The following PDE4D variants were observed in gnomAD, a reference collection of about 807,000 sequenced individuals.
PDE4D encodes phosphodiesterase 4D, also known as 3',5'-cyclic-AMP phosphodiesterase 4D.
A neutral mutation model predicts 87.4 loss-of-function variants in PDE4D; 24 were observed. The observed-to-expected ratio is 0.27, with a 90% CI of 0.20 to 0.39. PDE4D has a LOEUF of 0.39. Among genes scored for constraint, PDE4D ranks in the 10% least tolerant of loss-of-function variants. PDE4D has a pLI of 1.00. For missense variants in PDE4D, 714 were observed against 1,041.0 expected (o/e 0.69, Z 4.32); for synonymous variants, 384 against 383.2 (o/e 1.00, Z -0.02).
At chr5:59,189,647 C>T (rs1743870368) in intron 3 of PDE4D, among the ~76,000 whole-genome samples, 1 of 152,086 alleles carries the variant, frequency 6.6e-6, no homozygotes, top group African/African-American at 2.4e-5. Context: ...TCCTTGGCCC[C>T]CAAGAACTCT....
At chr5:58,993,944 A>T (rs1748553278) in intron 6 of PDE4D, among the ~76,000 whole-genome samples, 1 of 152,136 alleles carries the variant, frequency 6.6e-6, no homozygotes, top group Non-Finnish European at 1.5e-5. Flanking sequence ...TAAAACATGG[A>T]ATGCTTTCTT....
At chr5:59,157,179 A>T in intron 5 of PDE4D, 1 of 593,648 alleles carries the variant, frequency 1.7e-6, no homozygotes, top group Non-Finnish European at 3.0e-6. Flanking sequence ...TTCTTTCTGA[A>T]GGGTTAGAAT....
chr5:59,552,553 A>G (rs1818294781), intron 1 of PDE4D, among the ~76,000 whole-genome samples: 1 of 152,188 alleles, frequency 6.6e-6, no homozygotes, highest in Non-Finnish European at 1.5e-5. Flanking sequence ...GAAACGACTC[A>G]CACTTAAAAA....
intron 5 of PDE4D, among the ~76,000 whole-genome samples, chr5:59,058,539 C>G (rs1383808614): frequency 6.6e-6 from 1 of 152,152 alleles, no homozygotes; most frequent in Non-Finnish European, 1.5e-5. Context: ...ATAGCATTGC[C>G]TTTCATTCTA....
intron 1 of PDE4D, among the ~76,000 whole-genome samples, chr5:59,409,915 A>G (rs1792356896): frequency 1.3e-5 from 2 of 151,894 alleles, no homozygotes; most frequent in Non-Finnish European, 1.5e-5. Flanking sequence ...CTTCTTGGTT[A>G]TTTTTATTTT....
intron 3 of PDE4D, among the ~76,000 whole-genome samples, chr5:59,912,453 T>C (rs1372094707): frequency 6.6e-6 from 1 of 152,192 alleles, no homozygotes; most frequent in Admixed American, 6.5e-5. Flanking sequence ...GAGATATGCA[T>C]ATTATCAACA....
chr5:59,349,917 A>G (rs1400251313), intron 1 of PDE4D, among the ~76,000 whole-genome samples: 2 of 152,158 alleles, frequency 1.3e-5, no homozygotes, highest in Non-Finnish European at 2.9e-5. Flanking sequence ...GATAATACAG[A>G]AAACACTCAA....
At chr5:59,840,663 G>A (rs1031459107) in intron 1 of PDE4D, among the ~76,000 whole-genome samples, 1 of 152,040 alleles carries the variant, frequency 6.6e-6, no homozygotes, top group Non-Finnish European at 1.5e-5. Context: ...TTGAGAGACC[G>A]CCACACAGAA....
At chr5:59,143,182 C>G (rs1288349419) in intron 5 of PDE4D, among the ~76,000 whole-genome samples, 1 of 150,586 alleles carries the variant, frequency 6.6e-6, no homozygotes, top group Non-Finnish European at 1.5e-5. Flanking sequence ...CCCTCCCTCC[C>G]TTCCTCCTTC....
intron 1 of PDE4D, among the ~76,000 whole-genome samples, chr5:60,472,472 T>G (rs561484703): frequency 6.6e-6 from 1 of 152,282 alleles, no homozygotes; most frequent in East Asian, 1.9e-4. Flanking sequence ...ATGAAAAATC[T>G]GAAACATAAG....
chr5:60,505,395 C>T (rs1157946316), intron 1 of PDE4D, among the ~76,000 whole-genome samples: 2 of 152,170 alleles, frequency 1.3e-5, no homozygotes, highest in African/African-American at 4.8e-5. Flanking sequence ...CTTTGTCTTG[C>T]TGGTTATCCT....
intron 6 of PDE4D, among the ~76,000 whole-genome samples, chr5:59,012,113 G>A (rs772706281): frequency 9.3e-4 from 142 of 152,144 alleles, no homozygotes; most frequent in Non-Finnish European, 9.9e-4. Flanking sequence ...CTGAGATTTT[G>A]TCACCACCAG....
At chr5:59,447,695 G>T (rs1028507092) in intron 1 of PDE4D, among the ~76,000 whole-genome samples, 2 of 152,224 alleles carry the variant, frequency 1.3e-5, no homozygotes, top group African/African-American at 4.8e-5. Context: ...TAATTTGAAA[G>T]AATCTGATTG....
chr5:59,255,458 T>A (rs1173878164), intron 1 of PDE4D, among the ~76,000 whole-genome samples: 1 of 152,036 alleles, frequency 6.6e-6, no homozygotes, highest in African/African-American at 2.4e-5. Context: ...TGGAGGGTGA[T>A]AACTATAAGG....
Position 60,184,722 on chromosome 5 carries a change from T to TA in PDE4D, c.42+834dup, listed in dbSNP as rs1784640517. On this transcript the variant is annotated intron_variant, in intron 2 of 16. Coordinates refer to the PDE4D transcript ENST00000502484. ...GAAAGATGGCCTTGGGCCACCACAA[T>TA]AGAATCACTGGTTATAACACAAAGT... Among the ~76,000 whole-genome samples, 2 of 152,202 alleles carry TA rather than the reference T, an allele frequency of 1.3e-5. 1 individual carries two copies. The highest frequency in any genetic ancestry group is 4.1e-4 in the South Asian group (2 of 4,834).
At chr5:60,437,690 T>C (rs1744868109) in intron 1 of PDE4D, among the ~76,000 whole-genome samples, 1 of 152,106 alleles carries the variant, frequency 6.6e-6, no homozygotes, top group African/African-American at 2.4e-5. Context: ...AGAAAGAATA[T>C]GTAAATTGAG....
chr5:60,298,214 C>T (rs1753589016), intron 1 of PDE4D, among the ~76,000 whole-genome samples: 1 of 151,778 alleles, frequency 6.6e-6, no homozygotes, highest in Admixed American at 6.6e-5. Flanking sequence ...AATTTATTTG[C>T]ATTAAGCATG....
intron 1 of PDE4D, among the ~76,000 whole-genome samples, chr5:60,341,789 T>A (rs1332255815): frequency 6.6e-6 from 1 of 152,134 alleles, no homozygotes; most frequent in African/African-American, 2.4e-5. Context: ...AACTCAGAAC[T>A]ATGCACCAGA....
At chr5:59,586,617 C>T (rs1825183256) in intron 1 of PDE4D, 1 of 1,238,880 alleles carries the variant, frequency 8.1e-7, no homozygotes, top group Non-Finnish European at 1.0e-6. Flanking sequence ...TGGGTCCATC[C>T]ATTTAGGTTC....
Sources: gnomAD v4.1 joint callset for allele counts (sites outside exome capture counted in the v4.1 genomes callset) on GRCh38, gnomAD v4.1.1 for gene constraint, MANE v1.5 for transcripts, NCBI Gene and HGNC (gene_info 2026-07-23, HGNC 2026-07-21) for gene names.